Variants in UBE2F observed in about 807,000 individuals in gnomAD.
The protein encoded by UBE2F is ubiquitin conjugating enzyme E2 F (putative).
Under a neutral mutation model 29.6 loss-of-function variants are expected in UBE2F, and 5 were observed. The ratio of observed to expected loss-of-function variants is 0.17; its 90% CI spans 0.09 to 0.36. The LOEUF is 0.36. UBE2F is among the 10% of genes least tolerant of loss of function. UBE2F has a pLI of 1.00. For missense variants in UBE2F, 141 were observed against 228.5 expected, an observed-to-expected ratio of 0.62 and a Z score of 2.47; for synonymous variants, 66 against 81.8, an observed-to-expected ratio of 0.81 and a Z score of 1.04.
chr2:237,976,057 T>C (rs2063276919), intron 2 of UBE2F, among the ~76,000 whole-genome samples: 1 of 152,254 alleles, frequency 6.6e-6, no homozygotes, highest in Non-Finnish European at 1.5e-5. Context: ...CCTTACCTAC[T>C]AAGCCTGGGA....
At chr2:237,976,823 G>C (rs1242512464) in intron 2 of UBE2F, among the ~76,000 whole-genome samples, 2 of 152,174 alleles carry the variant, frequency 1.3e-5, no homozygotes, top group African/African-American at 4.8e-5. Flanking sequence ...ACTTTTCAAA[G>C]CCTTGCCAGA....
chr2:238,042,123 G>T lies in UBE2F; in HGVS notation c.*785G>T, dbSNP rs564616450. The T allele has an allele frequency of 1.3e-4, 20 of 152,372 alleles. No homozygotes were observed. Among genetic ancestry groups the T allele is most frequent in the African/African-American group, 4.6e-4 (19 of 41,574 alleles). 9.4% of individuals were successfully genotyped at this position (152,372 alleles called of 1,614,324 possible). The stretch of plus-strand genomic sequence containing the variant: ...AAATCAGCTCTTGCTTTCGGGTCCG[G>T]ATGTGGTGAGCACATTTTGGAGCCC... On this transcript the variant is annotated 3_prime_UTR_variant, in exon 10 of 10. Coordinates refer to ENST00000272930, the MANE Select transcript of UBE2F (RefSeq NM_080678.3).
chr2:238,025,290 G>T, intron 5 of UBE2F, 52 bp from the exon 6 acceptor site: 2 of 1,502,118 alleles, frequency 1.3e-6, no homozygotes. Context: ...GCCTGGAGAT[G>T]TGATTTGCAG....
chr2:237,998,278 A>G (rs1316500136), intron 4 of UBE2F, among the ~76,000 whole-genome samples: 1 of 152,180 alleles, frequency 6.6e-6, no homozygotes, highest in Non-Finnish European at 1.5e-5. Context: ...CATCATTCCC[A>G]AAGTTTCCTT....
At chr2:237,979,287 C>T (rs1180505644) in intron 2 of UBE2F, among the ~76,000 whole-genome samples, 1 of 152,192 alleles carries the variant, frequency 6.6e-6, no homozygotes, top group Non-Finnish European at 1.5e-5. Flanking sequence ...GGCTGCCCAT[C>T]TGCCTGAGCT....
intron 6 of UBE2F, chr2:238,028,859 G>C (rs1396821716): frequency 1.3e-5 from 2 of 152,084 alleles, no homozygotes; most frequent in African/African-American, 4.8e-5. Context: ...CAAAGCCACA[G>C]CACAATAATT....
rs2064833187 is a variant in UBE2F, at chr2:238,041,276, G to A, written c.508-12G>A. 1.9e-6 allele frequency: 3 copies of A among 1,613,280 alleles called. No individual in the cohort carries two copies. In the African/African-American group the frequency reaches 4.0e-5, roughly 22 times the overall value. The stretch of plus-strand genomic sequence containing the variant: ...TGTTCTTCTTTCTGTCCCCAATGCT[G>A]TTACTCCACAGGAGGACTTCCGGAA... On this transcript the variant is annotated splice_polypyrimidine_tract_variant and intron_variant, in intron 9 of 9. Transcript: ENST00000272930.
intron 9 of UBE2F, among the ~76,000 whole-genome samples, chr2:238,038,812 C>T (rs1559231821): frequency 6.6e-6 from 1 of 152,216 alleles, no homozygotes; most frequent in Non-Finnish European, 1.5e-5. Context: ...TATGTCCACT[C>T]GTTCATCACT....
chr2:238,008,440 A>G lies in UBE2F; in HGVS notation c.215-8126A>G, dbSNP rs189097055. ...CAAGGGATTTGCTCATATCATCTGC[A>G]TTTTTCAATTTATTGATATAATGTT... On this transcript the variant is annotated intron_variant, in intron 4 of 9. Transcript: ENST00000272930. Among the ~76,000 whole-genome samples the G allele has an allele frequency of 5.4e-3, 818 of 152,212 alleles. 1 individual carries two copies. Among genetic ancestry groups the G allele is most frequent in the Non-Finnish European group, 7.0e-3 (476 of 68,004 alleles).
At chr2:237,969,346 A>G (rs908216511) in intron 1 of UBE2F, among the ~76,000 whole-genome samples, 1 of 152,014 alleles carries the variant, frequency 6.6e-6, no homozygotes, top group Non-Finnish European at 1.5e-5. Flanking sequence ...CTTTGAGTGC[A>G]TGAAGGATCT....
intron 4 of UBE2F, chr2:238,003,309 A>C (rs929336538): frequency 8.5e-6 from 4 of 469,322 alleles, no homozygotes; most frequent in African/African-American, 8.0e-5. Context: ...TATCTGCCAA[A>C]GCATTCTCTT....
chr2:238,002,036 C>G (rs928468746), intron 4 of UBE2F, among the ~76,000 whole-genome samples: 4 of 148,302 alleles, frequency 2.7e-5, no homozygotes, highest in African/African-American at 9.9e-5. Flanking sequence ...GGAGAAGTTT[C>G]TGAATGTGTA....
At chr2:237,990,451 G>A (rs767921287) in intron 3 of UBE2F, 2 of 446,480 alleles carry the variant, frequency 4.5e-6, no homozygotes, top group South Asian at 1.6e-5. Flanking sequence ...TGCCCAAGTT[G>A]GAGTACAGTG....
Position 237,970,173 on chromosome 2 carries a change from C to T in UBE2F, c.-16-2919C>T, listed in dbSNP as rs144525083. On this transcript the variant is annotated intron_variant, in intron 1 of 9. Coordinates refer to ENST00000272930, the MANE Select transcript of UBE2F (RefSeq NM_080678.3). ...TCCGCTCAGGAATTCAAGACCAGCC[C>T]GGGTAACATGGTGAAACCCTGTCTC... 3.5e-3 allele frequency among the ~76,000 whole-genome samples: 528 copies of T among 152,078 alleles called. 3 individuals are homozygous for T. The highest frequency in any genetic ancestry group is 0.012 in the African/African-American group (494 of 41,494).
At chr2:238,016,842 T>C (rs147132273) in intron 5 of UBE2F, among the ~76,000 whole-genome samples, 2 of 152,204 alleles carry the variant, frequency 1.3e-5, no homozygotes, top group Non-Finnish European at 1.5e-5. Context: ...CAAATACTTA[T>C]GAGTACTATG....
At chr2:238,035,778 A>G (rs535263498) in intron 8 of UBE2F, 100 bp from the exon 9 acceptor site, 3 of 938,504 alleles carry the variant, frequency 3.2e-6, no homozygotes, top group East Asian at 2.7e-5. Context: ...TTGGTCTGCC[A>G]TTTGCTAATT....
At chr2:237,986,884 T>G (rs1449362829) in intron 2 of UBE2F, among the ~76,000 whole-genome samples, 1 of 152,230 alleles carries the variant, frequency 6.6e-6, no homozygotes, top group Non-Finnish European at 1.5e-5. Context: ...TTTAAGCCAG[T>G]ACTGTGCTAT....
chr2:238,032,867 G>A (rs2064616964), intron 8 of UBE2F, among the ~76,000 whole-genome samples: 1 of 152,202 alleles, frequency 6.6e-6, no homozygotes, highest in Non-Finnish European at 1.5e-5. Context: ...GAACAGTGAG[G>A]TGGGGAATGA....
chr2:237,971,768 A>G (rs991176021), intron 1 of UBE2F, among the ~76,000 whole-genome samples: 7 of 142,216 alleles, frequency 4.9e-5, no homozygotes, highest in Non-Finnish European at 1.1e-4. Flanking sequence ...TGGGATCATA[A>G]TGTAAGCTGT....
Sources: allele counts gnomAD v4.1 joint callset (sites outside exome capture counted in the v4.1 genomes callset), GRCh38; gene constraint gnomAD v4.1.1; transcripts MANE v1.5; gene names NCBI Gene and HGNC (gene_info 2026-07-23, HGNC 2026-07-21).